ZNF536: variants seen among roughly 807,000 people sequenced by gnomAD.
The protein encoded by ZNF536 is zinc finger protein 536.
ZNF536 carries 13 observed loss-of-function variants against 84.5 expected under a neutral mutation model. That is an observed-to-expected ratio of 0.15 (90% CI 0.10 to 0.24). The LOEUF (loss-of-function observed/expected upper bound fraction) is 0.24. Among genes scored for constraint, ZNF536 ranks in the 10% least tolerant of loss-of-function variants. ZNF536 has a pLI of 1.00. For missense variants in ZNF536, 1,536 were observed against 1,747.5 expected, an observed-to-expected ratio of 0.88 and a Z score of 2.16; for synonymous variants, 811 against 742.5, an observed-to-expected ratio of 1.09 and a Z score of -1.50.
intron 1 of ZNF536, among the ~76,000 whole-genome samples, chr19:30,271,302 T>C (rs996639173): frequency 1.3e-5 from 1 of 74,948 alleles, no homozygotes; most frequent in Non-Finnish European, 3.3e-5. Flanking sequence ...TTCTTTTCTT[T>C]TTTTTTTTTT....
In ZNF536 at chr19:30,267,628, A is replaced by AC. The variant is rs2025583779; in HGVS notation, c.-189-16440dup. 2.6e-5 allele frequency among the ~76,000 whole-genome samples: 4 copies of AC among 152,072 alleles called. No homozygotes were observed. In the South Asian group the frequency reaches 8.3e-4, roughly 32 times the overall value. On this transcript the variant is annotated intron_variant, in intron 1 of 5. Transcript: ENST00000585628. ...TGTTACCCTCTGCCATTTGTGGCAC[A>AC]CCCCGTCCTGTCCTCTGTGGGTGCG...
At chr19:30,370,038 T>G (rs1181038928), upstream of ZNF536, among the ~76,000 whole-genome samples, 1 of 152,196 alleles carries the variant, frequency 6.6e-6, no homozygotes, top group Non-Finnish European at 1.5e-5. Context: ...TTCTCTTGGT[T>G]ATACGCAGTT....
intron 1 of ZNF536, among the ~76,000 whole-genome samples, chr19:30,411,054 T>C (rs1028427760): frequency 6.6e-6 from 1 of 152,232 alleles, no homozygotes; most frequent in Non-Finnish European, 1.5e-5. Flanking sequence ...TATTTTCCAA[T>C]GGGTCAATGA....
At chr19:30,576,233 A>G (rs997470095) in intron 1 of ZNF536, among the ~76,000 whole-genome samples, 1 of 152,174 alleles carries the variant, frequency 6.6e-6, no homozygotes, top group African/African-American at 2.4e-5. Flanking sequence ...GTGGGAAGGT[A>G]GGAGGCCGGG....
intron 1 of ZNF536, among the ~76,000 whole-genome samples, chr19:30,417,631 T>C (rs562150132): frequency 4.5e-4 from 69 of 152,244 alleles, no homozygotes; most frequent in Non-Finnish European, 5.9e-5. Flanking sequence ...CTTTGCTAAT[T>C]GCATTAGTTA....
intron 1 of ZNF536, among the ~76,000 whole-genome samples, chr19:30,415,517 G>T (rs962013967): frequency 9.9e-5 from 15 of 151,614 alleles, no homozygotes; most frequent in African/African-American, 3.1e-4. Context: ...TCAGCTGGGG[G>T]ATTCTTTCAA....
At chr19:30,361,243 C>T (rs531659315) in intron 3 of ZNF536, among the ~76,000 whole-genome samples, 1 of 152,384 alleles carries the variant, frequency 6.6e-6, no homozygotes, top group African/African-American at 2.4e-5. Context: ...GGAGAACTCT[C>T]CCTGTGTGCC....
intron 2 of ZNF536, among the ~76,000 whole-genome samples, chr19:30,498,919 C>T (rs748580591): frequency 5.3e-5 from 8 of 152,134 alleles, no homozygotes; most frequent in Non-Finnish European, 1.2e-4. Context: ...CCAGCCCGTG[C>T]GATCCTGTTC....
chr19:30,387,477 C>T (rs2049390573), intron 1 of ZNF536, among the ~76,000 whole-genome samples: 1 of 152,168 alleles, frequency 6.6e-6, no homozygotes, highest in Admixed American at 6.5e-5. Context: ...GGACCCACTG[C>T]CTCTTTCCAA....
intron 1 of ZNF536, among the ~76,000 whole-genome samples, chr19:30,440,942 T>C (rs1336726330): frequency 6.7e-6 from 1 of 149,932 alleles, no homozygotes; most frequent in Non-Finnish European, 1.5e-5. Context: ...TAGATAGATT[T>C]GAAAAAAATA....
At chr19:30,677,938 G>A (rs955789755) in intron 1 of ZNF536, among the ~76,000 whole-genome samples, 1 of 152,140 alleles carries the variant, frequency 6.6e-6, no homozygotes, top group African/African-American at 2.4e-5. Context: ...GTAGCCCCCA[G>A]CTATCACCCT....
chr19:30,552,717 G>A (rs1238412320), intron 4 of ZNF536, among the ~76,000 whole-genome samples: 1 of 152,190 alleles, frequency 6.6e-6, no homozygotes, highest in Non-Finnish European at 1.5e-5. Flanking sequence ...AACAGCCAAT[G>A]GATTCCTAAC....
At chr19:30,232,989 G>A (rs959200685) in intron 1 of ZNF536, among the ~76,000 whole-genome samples, 2 of 152,218 alleles carry the variant, frequency 1.3e-5, no homozygotes, top group Non-Finnish European at 2.9e-5. Flanking sequence ...GGGGTGGAAG[G>A]TCAGCTGTGG....
At position 30,443,938 on chromosome 19, in the gene ZNF536, A is replaced by T. The variant is rs2052188902; in HGVS notation, c.376A>T (p.Lys126Ter). The T allele has an allele frequency of 6.2e-7, 1 of 1,613,700 alleles. No homozygotes were observed. The highest frequency in any genetic ancestry group is 8.5e-7 in the Non-Finnish European group (1 of 1,180,012). The change falls in exon 2 of 5, where the codon AAG becomes TAG. Residue 126 changes from lysine to a stop codon, truncating the protein, a stop_gained. Coordinates refer to ENST00000355537, the MANE Select transcript of ZNF536 (RefSeq NM_014717.3). LOFTEE classifies it high-confidence loss of function. Reference protein sequence around the residue: ...QMSDIEDDARKNRKYPCPLCG... With the variant: ...QMSDIEDDAR The stretch of plus-strand genomic sequence containing the variant: ...GAGCGACATCGAGGACGACGCCCGC[A>T]AGAACCGCAAGTACCCGTGCCCACT...
intron 1 of ZNF536, among the ~76,000 whole-genome samples, chr19:30,661,656 T>C (rs1471772002): frequency 1.3e-5 from 2 of 152,148 alleles, no homozygotes; most frequent in Non-Finnish European, 2.9e-5. Context: ...TCCTTTATAA[T>C]GAGGGGAAAC....
intron 1 of ZNF536, among the ~76,000 whole-genome samples, chr19:30,279,199 T>C (rs942278400): frequency 2.0e-5 from 3 of 152,270 alleles, no homozygotes; most frequent in African/African-American, 7.2e-5. Context: ...CCTCCAGCTT[T>C]ATTATCTTCT....
intron 1 of ZNF536, among the ~76,000 whole-genome samples, chr19:30,419,205 T>C (rs970617730): frequency 1.1e-4 from 17 of 152,238 alleles, no homozygotes; most frequent in Non-Finnish European, 1.9e-4. Context: ...GAAACGTCTT[T>C]TGAAAGCCTG....
intron 2 of ZNF536, among the ~76,000 whole-genome samples, chr19:30,473,218 G>GTAATAA (rs71333458): frequency 6.6e-6 from 1 of 150,634 alleles, no homozygotes; most frequent in Non-Finnish European, 1.5e-5. Context: ...AATAATAATA[G>GTAATAA]TAATAATAAT....
chr19:30,480,258 C>G (rs540772132), intron 2 of ZNF536, among the ~76,000 whole-genome samples: 2 of 152,156 alleles, frequency 1.3e-5, no homozygotes, highest in African/African-American at 4.8e-5. Flanking sequence ...GTCAACAGGT[C>G]TCTCTTCCTT....
Sources: gnomAD v4.1 joint callset for allele counts (sites outside exome capture counted in the v4.1 genomes callset) on GRCh38, gnomAD v4.1.1 for gene constraint, MANE v1.5 for transcripts, NCBI Gene and HGNC (gene_info 2026-07-23, HGNC 2026-07-21) for gene names.